Variants in EPHA6 observed in about 807,000 individuals in gnomAD.
EPHA6 encodes the protein EPH receptor A6, also known as ephrin type-A receptor 6.
Under a neutral mutation model 112.0 loss-of-function variants are expected in EPHA6, and 50 were observed. That is an observed-to-expected ratio of 0.45 (90% CI 0.36 to 0.56). EPHA6 has a LOEUF of 0.56. Ranked by LOEUF, EPHA6 falls within the 20% of genes least tolerant of loss-of-function variation. The pLI is 0.00. For synonymous variants in EPHA6, 529 were observed against 490.7 expected (o/e 1.08, Z -1.03); for missense variants, 1,280 against 1,417.4 (o/e 0.90, Z 1.56).
At position 97,720,187 on chromosome 3, in the gene EPHA6, A is replaced by C. The variant is rs2034463172; in HGVS notation, c.2785-74A>C. ...AGTATTTAGATCTTTCTAATAAAAA[A>C]TATTTAATTGGAATACCATTTTGTT... On this transcript the variant is annotated intron_variant, in intron 14 of 17. Coordinates refer to ENST00000389672, the MANE Select transcript of EPHA6 (RefSeq NM_001080448.3). 3 of 1,307,944 alleles carry C rather than the reference A, an allele frequency of 2.3e-6. No individual in the cohort carries two copies. The South Asian group carries it at 6.3e-5, about 28-fold the overall frequency. The allele number at this position is 1,307,944 out of a possible 1,614,324, so 81.0% of individuals were successfully genotyped here.
intron 3 of EPHA6, among the ~76,000 whole-genome samples, chr3:97,124,809 G>A (rs937469761): frequency 4.3e-4 from 66 of 152,258 alleles, no homozygotes; most frequent in African/African-American, 1.5e-3. Context: ...AGTTACTAAG[G>A]CCTAGTAACA....
At chr3:97,451,067 G>A (rs2090511424) in intron 7 of EPHA6, among the ~76,000 whole-genome samples, 1 of 151,970 alleles carries the variant, frequency 6.6e-6, no homozygotes, top group African/African-American at 2.4e-5. Context: ...ATAACTTGGT[G>A]TGGCTGTGGT....
At chr3:97,091,156 C>A (rs539987990) in intron 3 of EPHA6, among the ~76,000 whole-genome samples, 1 of 152,146 alleles carries the variant, frequency 6.6e-6, no homozygotes, top group Admixed American at 6.6e-5. Context: ...ATGTGATTTC[C>A]CATCCTGATC....
chr3:97,007,360 C>T (rs1426154912), intron 3 of EPHA6, among the ~76,000 whole-genome samples: 1 of 151,750 alleles, frequency 6.6e-6, no homozygotes, highest in African/African-American at 2.4e-5. Flanking sequence ...TTATGTGATG[C>T]CCTTCCTTGT....
At chr3:97,638,669 C>G (rs1192270268) in intron 14 of EPHA6, among the ~76,000 whole-genome samples, 2 of 152,092 alleles carry the variant, frequency 1.3e-5, no homozygotes, top group African/African-American at 4.8e-5. Flanking sequence ...TCAATTTGTC[C>G]TATGGATAGT....
chr3:96,847,218 A>T (rs1389466134), intron 1 of EPHA6, among the ~76,000 whole-genome samples: 1 of 152,160 alleles, frequency 6.6e-6, no homozygotes, highest in African/African-American at 2.4e-5. Context: ...AAATATAATT[A>T]TAACTAGGTC....
At chr3:97,643,236 A>T (rs1333512880) in intron 14 of EPHA6, among the ~76,000 whole-genome samples, 19 of 149,346 alleles carry the variant, frequency 1.3e-4, no homozygotes, top group South Asian at 6.4e-4. Context: ...CAGACAAGCA[A>T]ATGCTGAGAG....
chr3:96,983,819 A>T (rs1021346945), intron 2 of EPHA6, among the ~76,000 whole-genome samples: 5 of 152,170 alleles, frequency 3.3e-5, no homozygotes, highest in Non-Finnish European at 7.4e-5. Flanking sequence ...TCAATCACTG[A>T]TACCCTTTTT....
At chr3:97,193,221 G>A (rs2077354013) in intron 3 of EPHA6, among the ~76,000 whole-genome samples, 1 of 152,072 alleles carries the variant, frequency 6.6e-6, no homozygotes, top group Non-Finnish European at 1.5e-5. Context: ...TCTGTAGATT[G>A]CTATGGGTAC....
At position 97,415,722 on chromosome 3, in the gene EPHA6, G is replaced by A. The variant is rs544453019; in HGVS notation, c.1731+10448G>A. On this transcript the variant is annotated intron_variant, in intron 6 of 17. Coordinates refer to ENST00000389672, the MANE Select transcript of EPHA6 (RefSeq NM_001080448.3). ...CATTTCAAATCACAATTCATGAACC[G>A]TGTCTGATTTCTATTCCTTTGATAA... Among the ~76,000 whole-genome samples, 14 of 152,132 alleles carry A rather than the reference G, an allele frequency of 9.2e-5. No individual in the cohort carries two copies. The East Asian group carries it at 1.2e-3, about 13-fold the overall frequency.
chr3:96,911,378 G>A (rs975088831), intron 2 of EPHA6, among the ~76,000 whole-genome samples: 2 of 151,790 alleles, frequency 1.3e-5, no homozygotes, highest in Non-Finnish European at 2.9e-5. Flanking sequence ...GTAAGAATAC[G>A]GTTATGTTTT....
intron 10 of EPHA6, among the ~76,000 whole-genome samples, chr3:97,490,555 A>G (rs1239360095): frequency 6.6e-6 from 1 of 152,132 alleles, no homozygotes; most frequent in Non-Finnish European, 1.5e-5. Flanking sequence ...AAATGAAGGA[A>G]ATTTGATCCC....
intron 14 of EPHA6, among the ~76,000 whole-genome samples, chr3:97,664,072 T>A (rs1246121012): frequency 1.3e-5 from 2 of 152,224 alleles, no homozygotes; most frequent in Non-Finnish European, 2.9e-5. Context: ...GATTTGCATT[T>A]CTCTGATGAC....
intron 13 of EPHA6, chr3:97,612,496 C>A (rs2093728848): frequency 2.2e-5 from 7 of 316,664 alleles, no homozygotes; most frequent in Non-Finnish European, 3.8e-5. Flanking sequence ...TTAGCTTCTC[C>A]CCTAATTTAT....
At chr3:96,838,228 CTCCT>C (rs2034535102) in intron 1 of EPHA6, among the ~76,000 whole-genome samples, 1 of 152,108 alleles carries the variant, frequency 6.6e-6, no homozygotes, top group South Asian at 2.1e-4. Flanking sequence ...AGTACATTAT[CTCCT>C]TCCTTTTTAT....
At chr3:97,010,600 C>T (rs907426365) in intron 3 of EPHA6, among the ~76,000 whole-genome samples, 17 of 152,006 alleles carry the variant, frequency 1.1e-4, no homozygotes, top group Non-Finnish European at 2.2e-4. Flanking sequence ...AAATATTTCC[C>T]TCAAAAGGTA....
At chr3:97,435,400 G>C (rs1354412442) in intron 6 of EPHA6, among the ~76,000 whole-genome samples, 1 of 152,028 alleles carries the variant, frequency 6.6e-6, no homozygotes, top group South Asian at 2.1e-4. Flanking sequence ...GTAAAAAATA[G>C]TTAATTCATA....
intron 5 of EPHA6, among the ~76,000 whole-genome samples, chr3:97,273,527 G>A (rs1161794693): frequency 2.0e-5 from 3 of 152,348 alleles, no homozygotes; most frequent in African/African-American, 7.2e-5. Flanking sequence ...GCTGTACCCT[G>A]TAGCATTCCG....
At chr3:97,680,255 G>C (rs1368976127) in intron 14 of EPHA6, among the ~76,000 whole-genome samples, 1 of 152,124 alleles carries the variant, frequency 6.6e-6, no homozygotes, top group African/African-American at 2.4e-5. Context: ...TAAGGATTTG[G>C]TAACATGCCA....
Sources: allele counts gnomAD v4.1 joint callset (sites outside exome capture counted in the v4.1 genomes callset), GRCh38; gene constraint gnomAD v4.1.1; transcripts MANE v1.5; gene names NCBI Gene and HGNC (gene_info 2026-07-23, HGNC 2026-07-21).